MAST2: variants seen among roughly 807,000 people sequenced by gnomAD.
MAST2 encodes the protein microtubule-associated serine/threonine-protein kinase 2.
Under a neutral mutation model 147.4 loss-of-function variants are expected in MAST2, and 70 were observed. That is an observed-to-expected ratio of 0.47 (90% confidence interval 0.39 to 0.58). The LOEUF is 0.58. MAST2 is among the 20% of genes least tolerant of loss of function. MAST2 has a pLI of 0.00. For synonymous variants in MAST2, 869 were observed against 896.8 expected (o/e 0.97, Z 0.55); for missense variants, 2,080 against 2,302.3 (o/e 0.90, Z 1.98).
rs374659329 is a variant in MAST2, at chr1:46,030,662, C to T, written c.2609C>T (p.Pro870Leu). 1.1e-3 allele frequency: 1,823 copies of T among 1,611,718 alleles called. 30 individuals carry two copies. The South Asian group carries it at 0.019, about 17-fold the overall frequency. Residue 870 changes from proline (P) to leucine (L), a missense_variant, in exon 22 of 29, where the codon CCG becomes CTG. Coordinates refer to ENST00000361297, the MANE Select transcript of MAST2 (RefSeq NM_015112.3). ...CTCGAGGAGCGCCGGACACCACCCCCGACCAAGCGCAGCCTGAGTGAGGAG... is the reference window on the plus strand; with the variant it reads ...CTCGAGGAGCGCCGGACACCACCCCTGACCAAGCGCAGCCTGAGTGAGGAG... ...SLLEERRTPP[P>L]TKRSLSEEKE...
intron 5 of MAST2, among the ~76,000 whole-genome samples, chr1:45,966,025 A>C (rs185029238): frequency 7.2e-5 from 11 of 152,220 alleles, no homozygotes; most frequent in East Asian, 3.9e-4. Flanking sequence ...CTGCCTATTT[A>C]TTTCTTTCTC....
At chr1:45,877,017 GAT>G (rs1646634914) in intron 3 of MAST2, among the ~76,000 whole-genome samples, 1 of 152,122 alleles carries the variant, frequency 6.6e-6, no homozygotes, top group South Asian at 2.1e-4. Flanking sequence ...AGAAAAAGAG[GAT>G]ATATTACCTT....
chr1:46,000,934 T>C (rs774666331), intron 6 of MAST2: 1 of 1,288,454 alleles, frequency 7.8e-7, no homozygotes, highest in South Asian at 1.2e-5. Context: ...TGGTTCTCAC[T>C]ATAATGTGTA....
chr1:45,824,671 C>A, intron 2 of MAST2, 91 bp downstream of exon 2: 1 of 1,336,316 alleles, frequency 7.5e-7, no homozygotes, highest in Non-Finnish European at 1.0e-6. Flanking sequence ...TTGACAGTTT[C>A]TTCTCTGGTA....
At chr1:45,937,636 C>T (rs995162033) in intron 4 of MAST2, among the ~76,000 whole-genome samples, 4 of 151,502 alleles carry the variant, frequency 2.6e-5, no homozygotes, top group African/African-American at 9.7e-5. Flanking sequence ...CCTGTAATCC[C>T]AGCTACTTGG....
chr1:45,839,793 A>C (rs1434030416), intron 3 of MAST2, among the ~76,000 whole-genome samples: 1 of 152,212 alleles, frequency 6.6e-6, no homozygotes, highest in Non-Finnish European at 1.5e-5. Flanking sequence ...AGGAACAGTA[A>C]TCGGGTCAGT....
At chr1:46,028,434 G>A (rs1646503737) in intron 17 of MAST2, among the ~76,000 whole-genome samples, 1 of 152,148 alleles carries the variant, frequency 6.6e-6, no homozygotes. Flanking sequence ...CTGTTCACCG[G>A]TCCCTGTAGT....
chr1:45,940,823 GT>G (rs1438859008), intron 4 of MAST2, among the ~76,000 whole-genome samples: 7 of 152,098 alleles, frequency 4.6e-5, no homozygotes, highest in African/African-American at 1.4e-4. Flanking sequence ...GTTTCACCGT[GT>G]TAGCCAGGAT....
intron 9 of MAST2, 143 bp downstream of exon 9, chr1:46,008,514 G>T: frequency 1.6e-6 from 1 of 633,344 alleles, no homozygotes; most frequent in Non-Finnish European, 2.9e-6. Flanking sequence ...CAGCCAGGAG[G>T]CTGTGGACAC....
At chr1:45,870,451 A>G (rs1646337570) in intron 3 of MAST2, among the ~76,000 whole-genome samples, 1 of 151,538 alleles carries the variant, frequency 6.6e-6, no homozygotes, top group African/African-American at 2.4e-5. Flanking sequence ...AGTTTTGGTA[A>G]GGTATATGTT....
At chr1:45,901,640 G>A (rs1649785912) in intron 4 of MAST2, among the ~76,000 whole-genome samples, 1 of 152,098 alleles carries the variant, frequency 6.6e-6, no homozygotes, top group African/African-American at 2.4e-5. Flanking sequence ...CCATTTGTTT[G>A]TGTTGTCTGT....
In MAST2 at chr1:45,882,280, C is replaced by T. The variant is rs558941584; in HGVS notation, c.469-84C>T. 1.4e-5 allele frequency: 11 copies of T among 799,458 alleles called. No homozygotes were observed. In the East Asian group the frequency reaches 2.6e-4, roughly 19 times the overall value. The allele number at this position is 799,458 out of a possible 1,614,324, so 49.5% of individuals were successfully genotyped here. ...GGCCTTTTCCATTATTAAGATAATG[C>T]TGTGAATTTCCTAGGACATTTAGGT... On this transcript the variant is annotated intron_variant, in intron 3 of 28. Transcript: ENST00000361297.
At chr1:45,987,835 C>T (rs1200864428) in intron 5 of MAST2, among the ~76,000 whole-genome samples, 3 of 110,466 alleles carry the variant, frequency 2.7e-5, no homozygotes, top group African/African-American at 3.5e-5. Flanking sequence ...CCAAGTCTCA[C>T]TATGTTGCCC....
intron 5 of MAST2, among the ~76,000 whole-genome samples, chr1:45,993,608 C>T (rs1204028261): frequency 1.3e-5 from 2 of 152,064 alleles, no homozygotes; most frequent in East Asian, 1.9e-4. Flanking sequence ...CTTTTGAACC[C>T]AGGAGGCAGA....
In MAST2 at chr1:46,023,398, C is replaced by G. The variant is rs1003930765; in HGVS notation, c.1571+80C>G. Reference sequence around the variant, plus strand: ...TCTTCCATGTGAGAGTGTATGCTGCCCAGTCCTCTGGGCAGATGCCTCGGG... The same window carrying G: ...TCTTCCATGTGAGAGTGTATGCTGCGCAGTCCTCTGGGCAGATGCCTCGGG... On this transcript the variant is annotated intron_variant, in intron 14 of 28. Transcript: ENST00000361297. This position sits in a 1 kb window ranked among gnomAD's most constrained non-coding sequence, Gnocchi z 4.9. The G allele has an allele frequency of 7.4e-7, 1 of 1,350,758 alleles. No individual in the cohort carries two copies. The highest frequency in any genetic ancestry group is 1.4e-5 in the African/African-American group (1 of 69,532). The allele number at this position is 1,350,758 out of a possible 1,614,324, so 83.7% of individuals were successfully genotyped here. A position where few individuals can be genotyped will look rare whatever the true frequency, so the allele number is the denominator to read the frequency against.
rs201350416 is a variant in MAST2 at position 46,032,376 on chromosome 1, A to G, written c.3386A>G (p.Asp1129Gly). 6.2e-7 allele frequency: 1 copy of G among 1,614,166 alleles called. No homozygotes were observed. The highest frequency in any genetic ancestry group is 1.3e-5 in the African/African-American group (1 of 75,036). Residue 1129 changes from aspartate (D) to glycine (G), a missense_variant, in exon 25 of 29, where the codon GAT becomes GGT. By Grantham distance (94) the Asp-to-Gly change is moderately conservative. This residue lies in a region of MAST2 where 1,278 missense variants were observed against 1,304.2 expected (regional missense o/e 0.98). Coordinates refer to ENST00000361297, the MANE Select transcript of MAST2 (RefSeq NM_015112.3). ...RAIRVYMGDS[D>G]VYTVHHMVWH... ...ATTCGCGTCTACATGGGTGACTCCG[A>G]TGTCTACACCGTGCACCATATGGTG...
At chr1:45,983,386 G>A (rs966530113) in intron 5 of MAST2, among the ~76,000 whole-genome samples, 1 of 152,010 alleles carries the variant, frequency 6.6e-6, no homozygotes, top group Non-Finnish European at 1.5e-5. Flanking sequence ...CATTATCATG[G>A]CCTTATGGAA....
intron 3 of MAST2, among the ~76,000 whole-genome samples, chr1:45,861,412 A>ATT (rs940736475): frequency 7.0e-6 from 1 of 143,652 alleles, no homozygotes; most frequent in Admixed American, 7.0e-5. Context: ...TTATCTCTCA[A>ATT]TTTTTTTTTT....
chr1:45,849,096 T>G (rs553385213), intron 3 of MAST2, among the ~76,000 whole-genome samples: 1 of 152,016 alleles, frequency 6.6e-6, no homozygotes, highest in South Asian at 2.1e-4. Context: ...CAAAAACAAA[T>G]GAAAAAACAC....
Sources: allele counts gnomAD v4.1 joint callset (sites outside exome capture counted in the v4.1 genomes callset), GRCh38; gene constraint gnomAD v4.1.1; regional missense constraint gnomAD v4.1.1; non-coding constraint Gnocchi (gnomAD v3.1); transcripts MANE v1.5; gene names NCBI Gene and HGNC (gene_info 2026-07-23, HGNC 2026-07-21).